The following TAMALIN variants were observed in gnomAD, a reference collection of about 807,000 sequenced individuals.
The protein encoded by TAMALIN is trafficking regulator and scaffold protein tamalin.
In TAMALIN, 9 loss-of-function variants were observed where a neutral mutation model predicts 38.5. The ratio of observed to expected loss-of-function variants is 0.23; its 90% CI spans 0.14 to 0.41. The LOEUF (loss-of-function observed/expected upper bound fraction) is 0.41, where lower values mean the gene tolerates loss of function less well. Among genes scored for constraint, TAMALIN ranks in the 10% least tolerant of loss-of-function variants. The pLI is 1.00. For missense variants in TAMALIN, 548 were observed against 554.1 expected, an observed-to-expected ratio of 0.99 and a Z score of 0.11; for synonymous variants, 306 against 256.5, an observed-to-expected ratio of 1.19 and a Z score of -1.85.
chr12:52,008,766 C>T (rs748776037), intron 1 of TAMALIN: 2 of 985,096 alleles, frequency 2.0e-6, no homozygotes, highest in Non-Finnish European at 2.4e-6. Context: ...GATAGGTGAG[C>T]CCAGGGGACA....
At position 52,014,723 on chromosome 12, in the gene TAMALIN, G is replaced by T; in HGVS notation, c.712G>T (p.Asp238Tyr). The part of the protein sequence containing the change: ...GLVVKDPSIY[D>Y]TLESVRSCLY... ...GGTGGTGAAGGACCCCAGCATCTACGACACGCTGGAGTCGGTGCGCTCCTG... is the reference window on the plus strand; with the variant it reads ...GGTGGTGAAGGACCCCAGCATCTACTACACGCTGGAGTCGGTGCGCTCCTG... Residue 238 changes from aspartate (D) to tyrosine (Y), a missense_variant, in exon 8 of 8, where the codon GAC (aspartate) becomes TAC (tyrosine). This residue lies in a region of TAMALIN where 415 missense variants were observed against 417.0 expected (regional missense o/e 1.00). Transcript: ENST00000293662. 6.6e-7 allele frequency: 1 copy of T among 1,518,828 alleles called. No homozygotes were observed. 94.1% of individuals were successfully genotyped at this position (1,518,828 alleles called of 1,614,324 possible). A position where few individuals can be genotyped will look rare whatever the true frequency, so the allele number is the denominator to read the frequency against.
intron 4 of TAMALIN, among the ~76,000 whole-genome samples, chr12:52,013,168 C>T (rs568640356): frequency 6.7e-6 from 1 of 149,164 alleles, no homozygotes; most frequent in South Asian, 2.1e-4. Flanking sequence ...AGCTCCGCCT[C>T]CCGGGTTCAC....
chr12:52,013,387 T>A, intron 4 of TAMALIN: 1 of 343,150 alleles, frequency 2.9e-6, no homozygotes. Flanking sequence ...GGACAGAACT[T>A]CTTGAGGGCA....
intron 2 of TAMALIN, among the ~76,000 whole-genome samples, chr12:52,010,289 G>A (rs983548079): frequency 1.3e-5 from 2 of 152,176 alleles, no homozygotes; most frequent in Non-Finnish European, 2.9e-5. Context: ...AGTGGGCAGA[G>A]GAAACTCTGG....
chr12:52,013,075 CTTT>C (rs3035021), intron 4 of TAMALIN, among the ~76,000 whole-genome samples: 4,507 of 124,326 alleles, frequency 0.036, 83 homozygotes, highest in South Asian at 0.1. Context: ...GACAGAACTT[CTTT>C]TTTTTTTTTT....
chr12:52,008,687 C>T (rs1444887337), intron 1 of TAMALIN: 3 of 985,274 alleles, frequency 3.0e-6, no homozygotes, highest in Non-Finnish European at 3.6e-6. Flanking sequence ...CCAGCCCTCC[C>T]AAGCCACTGT....
rs1298466972 is a variant in TAMALIN, at chr12:52,011,853, C to G, written c.454+712C>G. On this transcript the variant is annotated intron_variant, in intron 4 of 7. Transcript: ENST00000293662. The surrounding 1 kb of genome is among the most constrained non-coding windows in gnomAD (Gnocchi z 5.3). ...CCTGAAACTGTATGAATCAATCCCCCCTCCACCATCTTTGCCCCTAAGCCC... is the reference window on the plus strand; with the variant it reads ...CCTGAAACTGTATGAATCAATCCCCGCTCCACCATCTTTGCCCCTAAGCCC... Among the ~76,000 whole-genome samples the G allele has an allele frequency of 6.6e-6, 1 of 152,332 alleles. No homozygotes were observed. The highest frequency in any genetic ancestry group is 2.4e-5 in the African/African-American group (1 of 41,570).
Position 52,011,300 on chromosome 12 carries a change from G to T in TAMALIN, c.454+159G>T, listed in dbSNP as rs531553092. 20 of 1,337,132 alleles carry T rather than the reference G, an allele frequency of 1.5e-5. No individual in the cohort carries two copies. The African/African-American group carries it at 2.9e-4, about 19-fold the overall frequency. The allele number at this position is 1,337,132 out of a possible 1,614,324, so 82.8% of individuals were successfully genotyped here. A position where few individuals can be genotyped will look rare whatever the true frequency, so the allele number is the denominator to read the frequency against. On this transcript the variant is annotated intron_variant, in intron 4 of 7. Transcript: ENST00000293662. This position sits in a 1 kb window ranked among gnomAD's most constrained non-coding sequence, Gnocchi z 5.3. ...GGATAGAATCTGGGCTTTGGATCTA[G>T]GCAAATTTGCCATGTACTGTGTGAT...
intron 4 of TAMALIN, 55 bp from the exon 5 acceptor site, chr12:52,013,632 C>A (rs1937711722): frequency 6.7e-7 from 1 of 1,487,848 alleles, no homozygotes; most frequent in Non-Finnish European, 9.4e-7. Context: ...AGGTAGGAGG[C>A]TGGTATTCTA....
At chr12:52,008,757 A>G in intron 1 of TAMALIN, 24 of 985,354 alleles carry the variant, frequency 2.4e-5, no homozygotes, top group Non-Finnish European at 2.9e-5. Context: ...GAGCACCTTG[A>G]TAGGTGAGCC....
Position 52,013,601 on chromosome 12 carries a change from C to T in TAMALIN, c.455-86C>T, listed in dbSNP as rs556407342. Reference sequence around the variant, plus strand: ...GAGTATTCCCTGGAGTTACTACCCACCCTTCTCCCCTTTCTGGCTAAGGTA... The same window carrying T: ...GAGTATTCCCTGGAGTTACTACCCATCCTTCTCCCCTTTCTGGCTAAGGTA... On this transcript the variant is annotated intron_variant, in intron 4 of 7. Coordinates refer to ENST00000293662, the MANE Select transcript of TAMALIN (RefSeq NM_181711.4). 7 of 1,121,250 alleles carry T rather than the reference C, an allele frequency of 6.2e-6. No individual in the cohort carries two copies. The Admixed American group carries it at 9.0e-5, about 14-fold the overall frequency. The allele number at this position is 1,121,250 out of a possible 1,614,324, so 69.5% of individuals were successfully genotyped here.
Position 52,015,418 on chromosome 12 carries a change from G to A in TAMALIN, c.*219G>A, listed in dbSNP as rs1274812381. On this transcript the variant is annotated 3_prime_UTR_variant, in exon 8 of 8. Transcript: ENST00000293662. ...CCGCCAAACCACAGTGGGAGCTGGG[G>A]CAGGGGGAGAGCCAGGCAATCGGGG... 3.6e-6 allele frequency: 2 copies of A among 551,338 alleles called. No individual in the cohort carries two copies. Among genetic ancestry groups the A allele is most frequent in the Non-Finnish European group, 6.2e-6 (2 of 324,552 alleles). The allele number at this position is 551,338 out of a possible 1,614,324, so 34.2% of individuals were successfully genotyped here.
chr12:52,014,736 C>A lies in TAMALIN; in HGVS notation c.725C>A (p.Ser242Ter). The change falls in exon 8 of 8, where the codon TCG becomes TAG. Residue 242 changes from serine to a stop codon, truncating the protein, a stop_gained. Coordinates refer to ENST00000293662, the MANE Select transcript of TAMALIN (RefSeq NM_181711.4). LOFTEE classifies it high-confidence loss of function. ...CCCAGCATCTACGACACGCTGGAGTCGGTGCGCTCCTGCCTCTACGGCGCG... is the reference window on the plus strand; with the variant it reads ...CCCAGCATCTACGACACGCTGGAGTAGGTGCGCTCCTGCCTCTACGGCGCG... ...KDPSIYDTLE[S>*]VRSCLYGAGL... 1 of 1,518,302 alleles carries A rather than the reference C, an allele frequency of 6.6e-7. No individual in the cohort carries two copies. Among genetic ancestry groups the A allele is most frequent in the Non-Finnish European group, 8.7e-7 (1 of 1,146,182 alleles). 94.1% of individuals were successfully genotyped at this position (1,518,302 alleles called of 1,614,324 possible).
In TAMALIN at chr12:52,007,686, G is replaced by A. The variant is rs1185553481; in HGVS notation, c.246+421G>A. 1.0e-6 allele frequency: 1 copy of A among 985,284 alleles called. No individual in the cohort carries two copies. The highest frequency in any genetic ancestry group is 1.7e-5 in the African/African-American group (1 of 57,224). 61.0% of individuals were successfully genotyped at this position (985,284 alleles called of 1,614,324 possible). On this transcript the variant is annotated intron_variant, in intron 1 of 7. Coordinates refer to ENST00000293662, the MANE Select transcript of TAMALIN (RefSeq NM_181711.4). This position sits in a 1 kb window ranked among gnomAD's most constrained non-coding sequence, Gnocchi z 6.7. ...CCCCGGTGGGAGAAGCGGGCCGGTG[G>A]CTGCGCCGCGTGCGTTCTCACTCTG...
rs1214039311 is a variant in TAMALIN at position 52,007,440 on chromosome 12, G to A, written c.246+175G>A. The A allele has an allele frequency of 2.0e-6, 2 of 984,834 alleles. No homozygotes were observed. The highest frequency in any genetic ancestry group is 2.4e-6 in the Non-Finnish European group (2 of 829,786). The allele number at this position is 984,834 out of a possible 1,614,324, so 61.0% of individuals were successfully genotyped here. ...CGCTGCTGCGAAGGCCGTGGCCCTC[G>A]CCTGCACACCGCGCCCAGGCTCGGT... On this transcript the variant is annotated intron_variant, in intron 1 of 7. Coordinates refer to ENST00000293662, the MANE Select transcript of TAMALIN (RefSeq NM_181711.4). The surrounding 1 kb of genome is among the most constrained non-coding windows in gnomAD (Gnocchi z 6.7).
intron 4 of TAMALIN, among the ~76,000 whole-genome samples, chr12:52,012,443 G>A (rs1937672858): frequency 6.6e-6 from 1 of 152,076 alleles, no homozygotes; most frequent in Non-Finnish European, 1.5e-5. Context: ...TAGTAGAGAT[G>A]GGGTTTTGCC....
chr12:52,013,620 T>C, intron 4 of TAMALIN, 67 bp from the exon 5 acceptor site: 2 of 1,392,756 alleles, frequency 1.4e-6, no homozygotes, highest in Non-Finnish European at 2.0e-6. Flanking sequence ...CCTTTCTGGC[T>C]AAGGTAGGAG....
rs188051952 is a variant in TAMALIN at position 52,007,929 on chromosome 12, C to A, written c.246+664C>A. 26 of 985,456 alleles carry A rather than the reference C, an allele frequency of 2.6e-5. 1 individual carries two copies. In the Middle Eastern group the frequency reaches 2.6e-3, roughly 99 times the overall value. The allele number at this position is 985,456 out of a possible 1,614,324, so 61.0% of individuals were successfully genotyped here. The stretch of plus-strand genomic sequence containing the variant: ...CGGGCCGCGCCCACCTCTGAGTCCC[C>A]TCTGCCAGCCTCTTCCTCTGGCCCC... On this transcript the variant is annotated intron_variant, in intron 1 of 7. Transcript: ENST00000293662. The surrounding 1 kb of genome is among the most constrained non-coding windows in gnomAD (Gnocchi z 6.7).
In TAMALIN at chr12:52,014,912, C is replaced by G. The variant is rs971747132; in HGVS notation, c.901C>G (p.Pro301Ala). The G allele has an allele frequency of 2.9e-5, 33 of 1,123,566 alleles. No individual in the cohort carries two copies. Among genetic ancestry groups the G allele is most frequent in the Non-Finnish European group, 3.6e-5 (33 of 912,176 alleles). The allele number at this position is 1,123,566 out of a possible 1,614,324, so 69.6% of individuals were successfully genotyped here. ...CTCCGAGCCGCCGGCGCTGCCGCCC[C>G]CGCCGCCCCCGGCCCGCGCCTTCGG... ...GDSEPPALPP[P>A]PPPARAFGPG... Residue 301 changes from proline to alanine, a missense_variant, in exon 8 of 8, where the codon CCG (proline) becomes GCG (alanine). By Grantham distance (27) the Pro-to-Ala change is conservative. This residue lies in a region of TAMALIN where 415 missense variants were observed against 417.0 expected (regional missense o/e 1.00). Transcript: ENST00000293662.
Sources: allele counts gnomAD v4.1 joint callset (sites outside exome capture counted in the v4.1 genomes callset), GRCh38; gene constraint gnomAD v4.1.1; regional missense constraint gnomAD v4.1.1; non-coding constraint Gnocchi (gnomAD v3.1); transcripts MANE v1.5; gene names NCBI Gene and HGNC (gene_info 2026-07-23, HGNC 2026-07-21).